AGXT: variants seen among roughly 807,000 people sequenced by gnomAD.
AGXT encodes the protein alanine--glyoxylate aminotransferase.
AGXT carries 41 observed loss-of-function variants against 46.9 expected under a neutral mutation model. The observed-to-expected ratio is 0.88, with a 90% CI of 0.68 to 1.14. The LOEUF (loss-of-function observed/expected upper bound fraction) is 1.14, where lower values mean the gene tolerates loss of function less well. Among genes scored for constraint, AGXT ranks in the 50% most tolerant of loss-of-function variants. The pLI is 0.00. For synonymous variants in AGXT, 244 were observed against 227.9 expected (o/e 1.07, Z -0.64); for missense variants, 525 against 522.7 (o/e 1.00, Z -0.04).
intron 4 of AGXT, among the ~76,000 whole-genome samples, chr2:240,872,428 G>A (rs2058997031): frequency 6.6e-6 from 1 of 151,706 alleles, no homozygotes; most frequent in Non-Finnish European, 1.5e-5. Flanking sequence ...TGCAGGAGGA[G>A]GGTGAGAGTT....
chr2:240,875,069 A>T (rs2059015816), intron 6 of AGXT, 40 bp from the exon 7 acceptor site: 1 of 1,546,060 alleles, frequency 6.5e-7, no homozygotes, highest in Non-Finnish European at 8.9e-7. Context: ...CTTCAGCCCA[A>T]ACTGAGAGGC....
Position 240,877,645 on chromosome 2 carries a change from C to T in AGXT, c.942+13C>T. ...CGTGAAGGACCCGGTAAGGAGGCCCCTGGCATTGGGCAGCCCTGCACCCAT... is the reference window on the plus strand; with the variant it reads ...CGTGAAGGACCCGGTAAGGAGGCCCTTGGCATTGGGCAGCCCTGCACCCAT... On this transcript the variant is annotated intron_variant, in intron 9 of 10. Coordinates refer to ENST00000307503, the MANE Select transcript of AGXT (RefSeq NM_000030.3). The T allele has an allele frequency of 1.3e-6, 2 of 1,550,298 alleles. No homozygotes were observed. Among genetic ancestry groups the T allele is most frequent in the Middle Eastern group, 1.7e-4 (1 of 5,990 alleles).
chr2:240,875,858 G>A lies in AGXT; in HGVS notation c.777-77G>A, dbSNP rs73106682. ...TCAGAGAGCCTGTGCTGTTGGGGCT[G>A]GGGCAGACAGAGCTAATGCCCCATC... On this transcript the variant is annotated intron_variant, in intron 7 of 10. Transcript: ENST00000307503. 4.9e-3 allele frequency: 7,143 copies of A among 1,471,246 alleles called. 279 individuals are homozygous for A. The African/African-American group carries it at 0.088, about 18-fold the overall frequency. 91.1% of individuals were successfully genotyped at this position (1,471,246 alleles called of 1,614,324 possible). A position where few individuals can be genotyped will look rare whatever the true frequency, so the allele number is the denominator to read the frequency against.
At position 240,880,290 on chromosome 2, in the gene AGXT, T is replaced by C. The variant is rs2059054034; in HGVS notation, c.*1469T>C. The C allele has an allele frequency of 6.6e-6, 1 of 152,180 alleles. No homozygotes were observed. The allele number at this position is 152,180 out of a possible 1,614,324, so 9.4% of individuals were successfully genotyped here. On this transcript the variant is annotated 3_prime_UTR_variant, in exon 11 of 11. Transcript: ENST00000307503. ...ACGTCCTCACCCACACTCCATGTTG[T>C]CTTTTTTTGCTAGGGGGTGTAAAAT...
chr2:240,869,069 C>G, intron 1 of AGXT, 39 bp downstream of exon 1: 1 of 1,607,328 alleles, frequency 6.2e-7, no homozygotes, highest in African/African-American at 1.3e-5. Flanking sequence ...GGGTCTCACC[C>G]ATGTTCCCAC....
intron 6 of AGXT, among the ~76,000 whole-genome samples, chr2:240,874,455 G>A (rs535623835): frequency 9.8e-5 from 15 of 152,340 alleles, no homozygotes; most frequent in African/African-American, 3.1e-4. Context: ...CTCACCTCCC[G>A]CTCCTGGTGT....
chr2:240,875,139 C>T lies in AGXT; in HGVS notation c.711C>T (p.Pro237=), dbSNP rs754180585. 1 of 1,613,892 alleles carries T rather than the reference C, an allele frequency of 6.2e-7. No individual in the cohort carries two copies. The highest frequency in any genetic ancestry group is 8.5e-7 in the Non-Finnish European group (1 of 1,179,744). Residue 237 remains proline, a synonymous_variant, in exon 7 of 11, where the codon CCC becomes CCT. Coordinates refer to ENST00000307503, the MANE Select transcript of AGXT (RefSeq NM_000030.3). ...KKKMYSRKTK[P]FSFYLDIKWL... Reference sequence around the variant, plus strand: ...AGATGTACTCCCGCAAGACGAAGCCCTTCTCCTTCTACCTGGACATCAAGT... The same window carrying T: ...AGATGTACTCCCGCAAGACGAAGCCTTTCTCCTTCTACCTGGACATCAAGT...
intron 3 of AGXT, 69 bp from the exon 4 acceptor site, chr2:240,871,280 G>A (rs1267138129): frequency 3.0e-6 from 4 of 1,355,454 alleles, no homozygotes; most frequent in Non-Finnish European, 4.1e-6. Flanking sequence ...GCCACCCATG[G>A]GGGGTTTGTG....
chr2:240,877,319 GTC>G (rs1424642149), intron 8 of AGXT: 21 of 693,536 alleles, frequency 3.0e-5, no homozygotes, highest in Non-Finnish European at 5.5e-5. Flanking sequence ...CCTCCCCTCT[GTC>G]TCTCTGAACC....
At position 240,880,133 on chromosome 2, in the gene AGXT, T is replaced by C. The variant is rs2059050932; in HGVS notation, c.*1312T>C. ...TCGTGTGGCCATATATTTTCATTTT[T>C]CTTGGATAAATAACTAGGAGTGGAA... On this transcript the variant is annotated 3_prime_UTR_variant, in exon 11 of 11. Coordinates refer to ENST00000307503, the MANE Select transcript of AGXT (RefSeq NM_000030.3). The C allele has an allele frequency of 6.6e-6, 1 of 152,224 alleles. No homozygotes were observed. The highest frequency in any genetic ancestry group is 1.5e-5 in the Non-Finnish European group (1 of 68,050). The allele number at this position is 152,224 out of a possible 1,614,324, so 9.4% of individuals were successfully genotyped here.
At chr2:240,878,578 G>T (rs1156838754) in intron 10 of AGXT, 136 bp from the exon 11 acceptor site, 3 of 815,852 alleles carry the variant, frequency 3.7e-6, no homozygotes, top group Non-Finnish European at 5.9e-6. Context: ...CCTGCACAGG[G>T]CTGTCAACTC....
At chr2:240,875,790 T>A (rs2059021515) in intron 7 of AGXT, 145 bp from the exon 8 acceptor site, 6 of 911,304 alleles carry the variant, frequency 6.6e-6, no homozygotes, top group Non-Finnish European at 1.0e-5. Flanking sequence ...TCCAAAGTTC[T>A]GAACCCGGAC....
chr2:240,873,103 G>A (rs763896828), intron 5 of AGXT, 54 bp downstream of exon 5: 46 of 1,496,234 alleles, frequency 3.1e-5, no homozygotes, highest in South Asian at 5.6e-5. Flanking sequence ...GGGGCTCCGC[G>A]TGCAGGAAGC....
At chr2:240,876,974 G>C in intron 8 of AGXT, 1 of 242,258 alleles carries the variant, frequency 4.1e-6, no homozygotes, top group Non-Finnish European at 8.4e-6. Flanking sequence ...CCAGAGTAGA[G>C]AGCAGCTGCT....
At chr2:240,876,380 C>T (rs2059024856) in intron 8 of AGXT, among the ~76,000 whole-genome samples, 1 of 152,340 alleles carries the variant, frequency 6.6e-6, no homozygotes, top group African/African-American at 2.4e-5. Flanking sequence ...TTCCTGCAGG[C>T]TTGTCCAGCT....
chr2:240,871,225 C>T, intron 3 of AGXT, 124 bp from the exon 4 acceptor site: 1 of 802,860 alleles, frequency 1.2e-6, no homozygotes, highest in Non-Finnish European at 2.1e-6. Flanking sequence ...TGCACACCAT[C>T]AGGGAGGAGT....
intron 3 of AGXT, chr2:240,871,147 T>C: frequency 1.6e-6 from 1 of 626,736 alleles, no homozygotes; most frequent in Non-Finnish European, 2.9e-6. Context: ...CCTCCATCTC[T>C]GCACCAAAGT....
At chr2:240,874,133 G>A (rs1010323885) in intron 6 of AGXT, 71 bp downstream of exon 6, 11 of 1,477,568 alleles carry the variant, frequency 7.4e-6, no homozygotes, top group South Asian at 5.7e-5. Flanking sequence ...CCCGAGGCGG[G>A]AGGGGCGGGA....
In AGXT at chr2:240,878,825, G is replaced by T. The variant is rs2059042347; in HGVS notation, c.*4G>T. 2.5e-6 allele frequency: 4 copies of T among 1,583,188 alleles called. No individual in the cohort carries two copies. The highest frequency in any genetic ancestry group is 2.6e-6 in the Non-Finnish European group (3 of 1,167,538). On this transcript the variant is annotated 3_prime_UTR_variant, in exon 11 of 11. Coordinates refer to ENST00000307503, the MANE Select transcript of AGXT (RefSeq NM_000030.3). ...CTGCCCCAAGAAGAAGCTGTGACCTGCCCACTGGCACACAGCTGGCACTGG... is the reference window on the plus strand; with the variant it reads ...CTGCCCCAAGAAGAAGCTGTGACCTTCCCACTGGCACACAGCTGGCACTGG...
Sources: allele counts gnomAD v4.1 joint callset (sites outside exome capture counted in the v4.1 genomes callset), GRCh38; gene constraint gnomAD v4.1.1; transcripts MANE v1.5; gene names NCBI Gene and HGNC (gene_info 2026-07-23, HGNC 2026-07-21).